The following NMD3 variants were observed in gnomAD, a reference collection of about 807,000 sequenced individuals.
The protein encoded by NMD3 is NMD3 ribosome export adaptor.
A neutral mutation model predicts 73.1 loss-of-function variants in NMD3; 47 were observed. The observed-to-expected ratio is 0.64, with a 90% CI of 0.51 to 0.82. The LOEUF is 0.82. NMD3 is among the 40% of genes least tolerant of loss of function. The probability of loss-of-function intolerance (pLI) is 0.00; values close to 1 mark genes in which losing one functional copy is unlikely to be tolerated. For synonymous variants in NMD3, 210 were observed against 194.5 expected, an observed-to-expected ratio of 1.08 and a Z score of -0.66; for missense variants, 554 against 612.5, an observed-to-expected ratio of 0.90 and a Z score of 1.01.
Position 161,250,801 on chromosome 3 carries a change from G to A in NMD3, c.1403G>A (p.Ser468Asn), listed in dbSNP as rs563513483. 24 of 1,610,292 alleles carry A rather than the reference G, an allele frequency of 1.5e-5. No individual in the cohort carries two copies. The African/African-American group carries it at 1.9e-4, about 13-fold the overall frequency. Reference protein sequence around the residue: ...IYRDSAIPVESDTDDEGAPRI... With the variant: ...IYRDSAIPVENDTDDEGAPRI... ...TTAGATTCAGCCATCCCTGTGGAAAGTGACACCGATGATGAAGGAGCACCT... is the reference window on the plus strand; with the variant it reads ...TTAGATTCAGCCATCCCTGTGGAAAATGACACCGATGATGAAGGAGCACCT... Residue 468 changes from serine (S) to asparagine (N), a missense_variant, in exon 16 of 16, where the codon AGT becomes AAT. By Grantham distance (46) the Ser-to-Asn change is conservative (BLOSUM62 1). Coordinates refer to ENST00000351193, the MANE Select transcript of NMD3 (RefSeq NM_015938.5).
downstream of NMD3, chr3:161,252,823 G>C (rs778009591): frequency 5.8e-6 from 4 of 695,514 alleles, no homozygotes; most frequent in African/African-American, 1.8e-5. Context: ...GAGGGGCCAA[G>C]TGTGGTGGTT....
Position 161,247,116 on chromosome 3 carries a change from T to C in NMD3, c.1131-142T>C, listed in dbSNP as rs754750926. On this transcript the variant is annotated intron_variant, in intron 12 of 15. Transcript: ENST00000351193. ...ACCAGCATCTACAGAAGCATGTTCA[T>C]TGTGTAATAAATGACAGAACTTTTA... The C allele has an allele frequency of 4.4e-5, 25 of 573,930 alleles. No individual in the cohort carries two copies. The Admixed American group carries it at 4.9e-4, about 11-fold the overall frequency. 35.6% of individuals were successfully genotyped at this position (573,930 alleles called of 1,614,324 possible).
chr3:161,242,680 ATT>A, intron 11 of NMD3, 27 bp downstream of exon 11: 3 of 1,567,294 alleles, frequency 1.9e-6, no homozygotes, highest in South Asian at 1.2e-5. Flanking sequence ...CTGCCAGTGT[ATT>A]TTTTTTTCCC....
chr3:161,223,862 A>G (rs924876170), intron 2 of NMD3, among the ~76,000 whole-genome samples: 4 of 152,234 alleles, frequency 2.6e-5, no homozygotes, highest in Non-Finnish European at 4.4e-5. Flanking sequence ...ACAAGGGATA[A>G]TGAATAACAG....
chr3:161,242,700 A>G (rs941863680), intron 11 of NMD3, 47 bp downstream of exon 11: 3 of 1,571,426 alleles, frequency 1.9e-6, no homozygotes, highest in South Asian at 1.2e-5. Flanking sequence ...CCCCTCAGTT[A>G]TTATTGTTTC....
chr3:161,234,315 C>T (rs1286272329), intron 5 of NMD3, among the ~76,000 whole-genome samples: 3 of 151,670 alleles, frequency 2.0e-5, no homozygotes, highest in Non-Finnish European at 4.4e-5. Context: ...GTGGTGTGTG[C>T]TACTTGGGAG....
At chr3:161,248,966 A>T (rs1304016195) in intron 13 of NMD3, among the ~76,000 whole-genome samples, 1 of 152,232 alleles carries the variant, frequency 6.6e-6, no homozygotes, top group Admixed American at 6.5e-5. Flanking sequence ...AGAGGAGATC[A>T]TGGCAATCTT....
chr3:161,248,907 C>T (rs1004338467), intron 13 of NMD3, among the ~76,000 whole-genome samples: 14 of 152,286 alleles, frequency 9.2e-5, no homozygotes, highest in African/African-American at 3.4e-4. Context: ...TAGGAATTAA[C>T]AGCGTGGTTG....
At chr3:161,224,894 A>C (rs771517054) in intron 2 of NMD3, 36 bp from the exon 3 acceptor site, 1 of 1,550,052 alleles carries the variant, frequency 6.5e-7, no homozygotes, top group South Asian at 1.2e-5. Context: ...TATTTTAAAA[A>C]TCTAATGTGA....
At chr3:161,238,429 C>T (rs1736851016) in intron 8 of NMD3, among the ~76,000 whole-genome samples, 1 of 152,056 alleles carries the variant, frequency 6.6e-6, no homozygotes, top group Non-Finnish European at 1.5e-5. Flanking sequence ...TTAGTGTGAA[C>T]AAAGATTTGC....
intron 13 of NMD3, among the ~76,000 whole-genome samples, chr3:161,247,684 G>A (rs1357837823): frequency 6.6e-6 from 1 of 151,596 alleles, no homozygotes; most frequent in Non-Finnish European, 1.5e-5. Context: ...AGCTACTTGG[G>A]AGGCTGAGGT....
At position 161,242,412 on chromosome 3, in the gene NMD3, C is replaced by A. The variant is rs1737021912; in HGVS notation, c.872-96C>A. ...CACTAGTTCTGTTGACCTGCCACTT[C>A]CCAGTTGGTATCTACCAGTTTATTC... is the stretch of plus-strand genomic sequence containing the variant. On this transcript the variant is annotated intron_variant, in intron 10 of 15. Coordinates refer to ENST00000351193, the MANE Select transcript of NMD3 (RefSeq NM_015938.5). The A allele has an allele frequency of 5.2e-6, 6 of 1,148,870 alleles. No individual in the cohort carries two copies. In the East Asian group the frequency reaches 1.5e-4, roughly 29 times the overall value. The allele number at this position is 1,148,870 out of a possible 1,614,324, so 71.2% of individuals were successfully genotyped here. A position where few individuals can be genotyped will look rare whatever the true frequency, so the allele number is the denominator to read the frequency against.
Position 161,242,507 on chromosome 3 carries a change from G to C in NMD3, c.872-1G>C. ...TTTTTGTGTTCTATCCTTATTTTTAGTGGCAGATATTGATGGGAGCACTTT... is the reference window on the plus strand; with the variant it reads ...TTTTTGTGTTCTATCCTTATTTTTACTGGCAGATATTGATGGGAGCACTTT... On this transcript the variant is annotated splice_acceptor_variant, in intron 10 of 15. Coordinates refer to ENST00000351193, the MANE Select transcript of NMD3 (RefSeq NM_015938.5). LOFTEE classifies it high-confidence loss of function. The C allele has an allele frequency of 3.1e-6, 5 of 1,610,270 alleles. No homozygotes were observed. Among genetic ancestry groups the C allele is most frequent in the Non-Finnish European group, 4.2e-6 (5 of 1,177,834 alleles).
At position 161,242,374 on chromosome 3, in the gene NMD3, A is replaced by G. The variant is rs1576854927; in HGVS notation, c.872-134A>G. 7.1e-6 allele frequency: 5 copies of G among 704,134 alleles called. No individual in the cohort carries two copies. In the East Asian group the frequency reaches 1.1e-4, roughly 15 times the overall value. The allele number at this position is 704,134 out of a possible 1,614,324, so 43.6% of individuals were successfully genotyped here. A position where few individuals can be genotyped will look rare whatever the true frequency, so the allele number is the denominator to read the frequency against. On this transcript the variant is annotated intron_variant, in intron 10 of 15. Coordinates refer to ENST00000351193, the MANE Select transcript of NMD3 (RefSeq NM_015938.5). ...TTTATAGGAGTAATTGATGACCCTA[A>G]GGAGTGAGTTGACACTAGTTCTGTT...
chr3:161,226,855 T>G (rs1257367180), intron 3 of NMD3, among the ~76,000 whole-genome samples: 1 of 152,218 alleles, frequency 6.6e-6, no homozygotes, highest in Non-Finnish European at 1.5e-5. Context: ...TGTACCTTTT[T>G]TTTGTGAAAA....
At position 161,231,683 on chromosome 3, in the gene NMD3, G is replaced by A. The variant is rs566333153; in HGVS notation, c.277-1716G>A. Among the ~76,000 whole-genome samples, 9 of 152,264 alleles carry A rather than the reference G, an allele frequency of 5.9e-5. No individual in the cohort carries two copies. The East Asian group carries it at 1.2e-3, about 20-fold the overall frequency. On this transcript the variant is annotated intron_variant, in intron 4 of 15. Transcript: ENST00000351193. Reference sequence around the variant, plus strand: ...GTAATTAGCAATGAAGAGCAAGGACGATAGCTGTCTGGTGCCTGGTCCAGT... The same window carrying A: ...GTAATTAGCAATGAAGAGCAAGGACAATAGCTGTCTGGTGCCTGGTCCAGT...
Position 161,222,074 on chromosome 3 carries a change from T to A in NMD3, c.44+17T>A, listed in dbSNP as rs994397085. On this transcript the variant is annotated intron_variant, in intron 2 of 15. Transcript: ENST00000351193. ...TGGACACATGTGAGTGCGACACTTC[T>A]TCCTTCCCCCTTAAATGTGAAAATC... 11 of 1,603,832 alleles carry A rather than the reference T, an allele frequency of 6.9e-6. No individual in the cohort carries two copies. Among genetic ancestry groups the A allele is most frequent in the Non-Finnish European group, 9.4e-6 (11 of 1,172,802 alleles).
intron 11 of NMD3, among the ~76,000 whole-genome samples, chr3:161,245,027 G>T (rs570950072): frequency 6.6e-6 from 1 of 152,146 alleles, no homozygotes; most frequent in East Asian, 1.9e-4. Context: ...GCATTCAGGT[G>T]TTCCAGAATC....
At position 161,225,028 on chromosome 3, in the gene NMD3, A is replaced by G. The variant is rs773507726; in HGVS notation, c.143A>G (p.Lys48Arg). 1 of 1,613,830 alleles carries G rather than the reference A, an allele frequency of 6.2e-7. No individual in the cohort carries two copies. Among genetic ancestry groups the G allele is most frequent in the African/African-American group, 1.3e-5 (1 of 74,888 alleles). Residue 48 changes from lysine to arginine, a missense_variant, in exon 3 of 16, where the codon AAA becomes AGA. Physicochemically the swap from Lys to Arg is conservative, Grantham distance 26. Coordinates refer to ENST00000351193, the MANE Select transcript of NMD3 (RefSeq NM_015938.5). ...GTGGACATCAGCCAAGGTATTCCGA[A>G]ACAAGTCTCGATTTCGTTCTGCAAA... The part of the protein sequence containing the change: ...SKVDISQGIP[K>R]QVSISFCKQC...
Sources: allele counts gnomAD v4.1 joint callset (sites outside exome capture counted in the v4.1 genomes callset), GRCh38; gene constraint gnomAD v4.1.1; transcripts MANE v1.5; gene names NCBI Gene and HGNC (gene_info 2026-07-23, HGNC 2026-07-21).